The following MTOR variants were observed in gnomAD, a reference collection of about 807,000 sequenced individuals.
MTOR encodes mechanistic target of rapamycin kinase.
Under a neutral mutation model 319.8 loss-of-function variants are expected in MTOR, and 70 were observed. That is an observed-to-expected ratio of 0.22 (90% CI 0.18 to 0.27). The LOEUF (loss-of-function observed/expected upper bound fraction) is 0.27. Ranked by LOEUF, MTOR falls within the 10% of genes least tolerant of loss-of-function variation. The pLI, the probability that MTOR is intolerant of heterozygous loss-of-function variation, is 1.00. For synonymous variants in MTOR, 1,183 were observed against 1,211.4 expected (o/e 0.98, Z 0.49); for missense variants, 1,890 against 3,274.4 (o/e 0.58, Z 10.32).
At chr1:11,131,430 G>A (rs1165525460) in intron 38 of MTOR, 1 of 152,722 alleles carries the variant, frequency 6.5e-6, no homozygotes, top group South Asian at 2.1e-4. Flanking sequence ...TTAGGGGAGA[G>A]CAGAAATGGC....
chr1:11,161,475 C>A (rs1644475097), intron 29 of MTOR, among the ~76,000 whole-genome samples: 1 of 152,206 alleles, frequency 6.6e-6, no homozygotes, highest in Admixed American at 6.5e-5. Flanking sequence ...TGAGAGGCGA[C>A]AGACTGCCTC....
chr1:11,241,643 G>C lies in MTOR; in HGVS notation c.1451C>G (p.Thr484Ser). The C allele has an allele frequency of 1.2e-6, 2 of 1,614,068 alleles. No individual in the cohort carries two copies. Among genetic ancestry groups the C allele is most frequent in the Non-Finnish European group, 1.7e-6 (2 of 1,179,932 alleles). ...KAMQVDATVF[T>S]CISMLARAMG... Reference sequence around the variant, plus strand: ...TGCTCGAGCCAGCATGCTGATGCAAGTGAAGACTGTGGCATCCACCTGCAT... The same window carrying C: ...TGCTCGAGCCAGCATGCTGATGCAACTGAAGACTGTGGCATCCACCTGCAT... Residue 484 changes from threonine to serine, a missense_variant, in exon 10 of 58, where the codon ACT becomes AGT. Thr to Ser is a moderately conservative substitution (Grantham distance 58). This residue lies in a region of MTOR where 418 missense variants were observed against 543.1 expected (regional missense o/e 0.77). Coordinates refer to ENST00000361445, the MANE Select transcript of MTOR (RefSeq NM_004958.4).
chr1:11,205,983 G>C (rs1398258010), intron 25 of MTOR, among the ~76,000 whole-genome samples: 1 of 152,208 alleles, frequency 6.6e-6, no homozygotes, highest in Non-Finnish European at 1.5e-5. Context: ...CTTCTAAAGA[G>C]TTACGGATGA....
chr1:11,229,833 G>A (rs1199811322), intron 18 of MTOR, among the ~76,000 whole-genome samples: 2 of 151,712 alleles, frequency 1.3e-5, no homozygotes, highest in Non-Finnish European at 1.5e-5. Context: ...AAAAAGTATC[G>A]AGGTGTGGTG....
intron 34 of MTOR, among the ~76,000 whole-genome samples, chr1:11,141,949 C>T (rs981829279): frequency 9.3e-5 from 14 of 151,312 alleles, no homozygotes; most frequent in Admixed American, 6.6e-4. Flanking sequence ...TGCAGTAAGC[C>T]GAGATCGTGC....
At chr1:11,110,998 C>T in intron 54 of MTOR, 3 of 396,986 alleles carry the variant, frequency 7.6e-6, no homozygotes, top group South Asian at 5.6e-5. Context: ...TCTCAGCACA[C>T]TTCGTTTGAG....
chr1:11,157,413 C>T (rs755928207), intron 29 of MTOR, 122 bp from the exon 30 acceptor site: 41 of 1,235,146 alleles, frequency 3.3e-5, no homozygotes, highest in Middle Eastern at 2.0e-4. Context: ...ATCACAGTTA[C>T]GTCTGGGCTT....
At chr1:11,255,888 C>T (rs151126396) in intron 5 of MTOR, 104 bp downstream of exon 5, 25 of 973,400 alleles carry the variant, frequency 2.6e-5, no homozygotes, top group East Asian at 1.1e-4. Flanking sequence ...CAAACCAAAA[C>T]GTGATTCTTG....
chr1:11,148,496 G>T (rs762014973), intron 31 of MTOR, among the ~76,000 whole-genome samples: 1 of 152,040 alleles, frequency 6.6e-6, no homozygotes, highest in Non-Finnish European at 1.5e-5. Flanking sequence ...AGGTAGAATG[G>T]TTTAAGAAAA....
intron 6 of MTOR, among the ~76,000 whole-genome samples, chr1:11,249,531 A>C (rs1649316710): frequency 6.8e-6 from 1 of 147,620 alleles, no homozygotes; most frequent in African/African-American, 2.5e-5. Flanking sequence ...AAGTGAACAA[A>C]GGTCTCTGGT....
At chr1:11,259,142 T>C in intron 2 of MTOR, 106 bp downstream of exon 2, 1 of 1,405,364 alleles carries the variant, frequency 7.1e-7, no homozygotes, top group Admixed American at 2.4e-5. Context: ...TAAAATAATC[T>C]CTGTTTTCCA....
rs1484428493 is a variant in MTOR at position 11,107,518 on chromosome 1, A to C, written c.7635-18T>G. ...AAGGGCACCTAAGAAGGCAGAAAGAAAAGGAATATTTTAATAATTTGAGCT... is the reference window on the plus strand; with the variant it reads ...AAGGGCACCTAAGAAGGCAGAAAGACAAGGAATATTTTAATAATTTGAGCT... On this transcript the variant is annotated intron_variant, in intron 57 of 57. Coordinates refer to ENST00000361445, the MANE Select transcript of MTOR (RefSeq NM_004958.4). The C allele has an allele frequency of 6.2e-6, 10 of 1,611,986 alleles. No homozygotes were observed. In the South Asian group the frequency reaches 7.7e-5, roughly 12 times the overall value.
intron 28 of MTOR, among the ~76,000 whole-genome samples, chr1:11,180,237 C>T (rs1296247455): frequency 6.6e-6 from 1 of 152,186 alleles, no homozygotes; most frequent in Non-Finnish European, 1.5e-5. Context: ...AAAACCTCAC[C>T]TCTGTGGACT....
chr1:11,233,661 AG>A (rs1390672029), intron 14 of MTOR, among the ~76,000 whole-genome samples, 174 bp from the exon 15 acceptor site: 1 of 152,236 alleles, frequency 6.6e-6, no homozygotes, highest in Middle Eastern at 3.2e-3. Context: ...CTCCATATGA[AG>A]TCTAAGTCTG....
At chr1:11,197,406 A>G (rs1368117637) in intron 28 of MTOR, among the ~76,000 whole-genome samples, 1 of 152,196 alleles carries the variant, frequency 6.6e-6, no homozygotes, top group East Asian at 1.9e-4. Context: ...ATTGGAAGCA[A>G]AAAAAGAAAG....
At position 11,114,818 on chromosome 1, in the gene MTOR, T is replaced by C. The variant is rs2100320592; in HGVS notation, c.7159A>G (p.Met2387Val). 6.2e-7 allele frequency: 1 copy of C among 1,614,136 alleles called. No individual in the cohort carries two copies. Among genetic ancestry groups the C allele is most frequent in the Non-Finnish European group, 8.5e-7 (1 of 1,179,964 alleles). The change falls in exon 52 of 58, where the codon ATG becomes GTG. Residue 2387 changes from methionine (M) to valine (V), a missense_variant. This residue lies in a region of MTOR where 23 missense variants were observed against 81.7 expected (regional missense o/e 0.28). Transcript: ENST00000361445. Reference protein sequence around the residue: ...FRLTRMLTNAMEVTGLDGNYR... With the variant: ...FRLTRMLTNAVEVTGLDGNYR... Reference sequence around the variant, plus strand: ...CGTTCCCGATATCCACTCACCTCCATAGCATTGGTCAACATTCTTGTTAGT... The same window carrying C: ...CGTTCCCGATATCCACTCACCTCCACAGCATTGGTCAACATTCTTGTTAGT...
At chr1:11,252,977 C>T (rs555463515) in intron 6 of MTOR, among the ~76,000 whole-genome samples, 8 of 152,300 alleles carry the variant, frequency 5.3e-5, no homozygotes, top group African/African-American at 1.7e-4. Context: ...TTTGTGCCAA[C>T]GTCACCCATT....
intron 29 of MTOR, among the ~76,000 whole-genome samples, chr1:11,161,631 T>C (rs1451208477): frequency 1.3e-5 from 2 of 152,146 alleles, no homozygotes; most frequent in African/African-American, 2.4e-5. Context: ...CTCTGCAATA[T>C]TCGCTGTTCT....
At chr1:11,198,919 A>G (rs1645874232) in intron 28 of MTOR, among the ~76,000 whole-genome samples, 1 of 152,180 alleles carries the variant, frequency 6.6e-6, no homozygotes, top group Non-Finnish European at 1.5e-5. Flanking sequence ...ATTCTACTCC[A>G]GCTCTAGACA....
Sources: allele counts gnomAD v4.1 joint callset (sites outside exome capture counted in the v4.1 genomes callset), GRCh38; gene constraint gnomAD v4.1.1; regional missense constraint gnomAD v4.1.1; transcripts MANE v1.5; gene names NCBI Gene and HGNC (gene_info 2026-07-23, HGNC 2026-07-21).